The following CRYL1 variants were observed in gnomAD, a reference collection of about 807,000 sequenced individuals.
The protein encoded by CRYL1 is crystallin lambda 1.
A neutral mutation model predicts 36.6 loss-of-function variants in CRYL1; 29 were observed. That is an observed-to-expected ratio of 0.79 (90% CI 0.59 to 1.08). The LOEUF is 1.08. Ranked by LOEUF, CRYL1 falls within the 50% of genes least tolerant of loss-of-function variation. The pLI, the probability that CRYL1 is intolerant of heterozygous loss-of-function variation, is 0.00. For missense variants in CRYL1, 411 were observed against 407.9 expected, an observed-to-expected ratio of 1.01 and a Z score of -0.06; for synonymous variants, 152 against 151.5, an observed-to-expected ratio of 1.00 and a Z score of -0.02.
At chr13:20,451,214 A>G (rs1377330293) in intron 3 of CRYL1, among the ~76,000 whole-genome samples, 1 of 152,060 alleles carries the variant, frequency 6.6e-6, no homozygotes, top group African/African-American at 2.4e-5. Context: ...TATAATTTAA[A>G]AATAATAATA....
At chr13:20,424,271 G>A (rs750741815) in intron 5 of CRYL1, among the ~76,000 whole-genome samples, 8 of 152,176 alleles carry the variant, frequency 5.3e-5, no homozygotes, top group Non-Finnish European at 8.8e-5. Context: ...CCGCTCTAAC[G>A]ACCCTGCAGT....
At chr13:20,430,939 C>G in intron 5 of CRYL1, 1 of 985,400 alleles carries the variant, frequency 1.0e-6, no homozygotes, top group Non-Finnish European at 1.2e-6. Context: ...CTAAGAAATT[C>G]AAACCGCCGC....
intron 1 of CRYL1, among the ~76,000 whole-genome samples, chr13:20,513,288 T>C (rs1428794745): frequency 6.6e-6 from 1 of 152,132 alleles, no homozygotes; most frequent in Non-Finnish European, 1.5e-5. Context: ...CAAGACCCGT[T>C]AGTGAACTTC....
intron 1 of CRYL1, among the ~76,000 whole-genome samples, chr13:20,513,913 A>T (rs1354417716): frequency 3.2e-4 from 32 of 100,994 alleles, no homozygotes; most frequent in African/African-American, 1.3e-4. Context: ...AGAAAGTATT[A>T]AAAAAAAAAA....
intron 2 of CRYL1, among the ~76,000 whole-genome samples, chr13:20,497,549 A>C (rs2033633109): frequency 6.6e-6 from 1 of 150,584 alleles, no homozygotes; most frequent in Non-Finnish European, 1.5e-5. Context: ...ACACACAACT[A>C]CACACACCAC....
intron 2 of CRYL1, among the ~76,000 whole-genome samples, chr13:20,507,861 T>C (rs1394231012): frequency 6.7e-6 from 1 of 148,866 alleles, no homozygotes; most frequent in African/African-American, 2.5e-5. Context: ...GAGCTTGCAG[T>C]GAGCCAAGAT....
intron 3 of CRYL1, among the ~76,000 whole-genome samples, chr13:20,449,900 C>G (rs1593451901): frequency 1.3e-5 from 2 of 152,202 alleles, no homozygotes; most frequent in Middle Eastern, 6.8e-3. Flanking sequence ...GGTGAAAGAT[C>G]TCTATAAGGA....
At chr13:20,456,291 T>C (rs1181814724) in intron 3 of CRYL1, among the ~76,000 whole-genome samples, 1 of 151,660 alleles carries the variant, frequency 6.6e-6, no homozygotes, top group Non-Finnish European at 1.5e-5. Flanking sequence ...CTGGGCAACA[T>C]GACAAAACCC....
chr13:20,457,128 G>T (rs1593457004), intron 3 of CRYL1, among the ~76,000 whole-genome samples: 1 of 152,132 alleles, frequency 6.6e-6, no homozygotes, highest in Admixed American at 6.5e-5. Context: ...GCCCAGGGCA[G>T]CCTAGAGAAC....
intron 3 of CRYL1, among the ~76,000 whole-genome samples, chr13:20,446,187 C>T (rs1036681615): frequency 1.3e-5 from 2 of 152,212 alleles, no homozygotes; most frequent in Non-Finnish European, 2.9e-5. Context: ...TCTTGGCTCA[C>T]AGCAACCTCC....
At chr13:20,410,487 A>G (rs1593426034) in intron 6 of CRYL1, among the ~76,000 whole-genome samples, 1 of 151,980 alleles carries the variant, frequency 6.6e-6, no homozygotes, top group East Asian at 1.9e-4. Context: ...TACATATGTA[A>G]CTAACCTGCA....
chr13:20,412,632 TG>T (rs1310664971), intron 6 of CRYL1, among the ~76,000 whole-genome samples: 2 of 152,236 alleles, frequency 1.3e-5, no homozygotes, highest in African/African-American at 4.8e-5. Flanking sequence ...AATTAAAATC[TG>T]GTTGACAGAG....
chr13:20,516,904 T>G (rs141863893), intron 1 of CRYL1, among the ~76,000 whole-genome samples: 42 of 151,968 alleles, frequency 2.8e-4, no homozygotes, highest in African/African-American at 9.9e-4. Flanking sequence ...AAACTGCATC[T>G]CTACAAAAAA....
intron 1 of CRYL1, chr13:20,513,595 G>A (rs1344704847): frequency 6.6e-6 from 1 of 152,240 alleles, no homozygotes; most frequent in Non-Finnish European, 1.5e-5. Flanking sequence ...AGGGTGATAA[G>A]TTATGGATCT....
At chr13:20,493,579 G>T (rs1382818619) in intron 2 of CRYL1, among the ~76,000 whole-genome samples, 1 of 152,152 alleles carries the variant, frequency 6.6e-6, no homozygotes, top group African/African-American at 2.4e-5. Context: ...ACAATCACTT[G>T]AACCTGGGAG....
In CRYL1 at chr13:20,427,020, A is replaced by C. The variant is rs969882752; in HGVS notation, c.633+5082T>G. The C allele has an allele frequency of 7.1e-6, 7 of 985,430 alleles. No homozygotes were observed. The African/African-American group carries it at 1.2e-4, about 17-fold the overall frequency. 61.0% of individuals were successfully genotyped at this position (985,430 alleles called of 1,614,324 possible). Reference sequence around the variant, plus strand: ...AGGCTGAGAACCTGCCGAGGGTTGCAGATTCATTCCCAGGCACCTCCACAT... The same window carrying C: ...AGGCTGAGAACCTGCCGAGGGTTGCCGATTCATTCCCAGGCACCTCCACAT... On this transcript the variant is annotated intron_variant, in intron 5 of 7. Coordinates refer to ENST00000298248, the MANE Select transcript of CRYL1 (RefSeq NM_015974.3).
chr13:20,456,294 C>T lies in CRYL1; in HGVS notation c.277-16540G>A, dbSNP rs1370173533. 2.0e-5 allele frequency among the ~76,000 whole-genome samples: 3 copies of T among 151,636 alleles called. No homozygotes were observed. In the East Asian group the frequency reaches 5.8e-4, roughly 29 times the overall value. ...TTTGAGACAAGCCTGGGCAACATGA[C>T]AAAACCCTGTCTCTACTAGAAATAC... On this transcript the variant is annotated intron_variant, in intron 3 of 7. Coordinates refer to ENST00000298248, the MANE Select transcript of CRYL1 (RefSeq NM_015974.3).
chr13:20,459,102 G>A (rs910748164), intron 3 of CRYL1, among the ~76,000 whole-genome samples: 9 of 152,010 alleles, frequency 5.9e-5, no homozygotes, highest in East Asian at 3.9e-4. Flanking sequence ...TGGGCGTGGT[G>A]GCGGGTGCCT....
chr13:20,454,477 G>A (rs1301977664), intron 3 of CRYL1, among the ~76,000 whole-genome samples: 1 of 148,912 alleles, frequency 6.7e-6, no homozygotes, highest in African/African-American at 2.5e-5. Flanking sequence ...GAGTGCAGTG[G>A]TGCGATCTCG....
Sources: allele counts gnomAD v4.1 joint callset (sites outside exome capture counted in the v4.1 genomes callset), GRCh38; gene constraint gnomAD v4.1.1; transcripts MANE v1.5; gene names NCBI Gene and HGNC (gene_info 2026-07-23, HGNC 2026-07-21).